Variants in PRKG1 observed in about 807,000 individuals in gnomAD.
PRKG1 encodes the protein protein kinase cGMP-dependent 1.
Under a neutral mutation model 88.1 loss-of-function variants are expected in PRKG1, and 35 were observed. That is an observed-to-expected ratio of 0.40 (90% CI 0.30 to 0.53). The LOEUF (loss-of-function observed/expected upper bound fraction) is 0.53, where lower values mean the gene tolerates loss of function less well. PRKG1 is among the 20% of genes least tolerant of loss of function. The pLI is 0.59. For missense variants in PRKG1, 540 were observed against 839.8 expected (o/e 0.64, Z 4.41); for synonymous variants, 303 against 292.5 (o/e 1.04, Z -0.37).
In PRKG1 at chr10:51,253,448, C is replaced by T. The variant is rs552597194; in HGVS notation, c.478+100118C>T. On this transcript the variant is annotated intron_variant, in intron 2 of 17. Transcript: ENST00000373980. Reference sequence around the variant, plus strand: ...AATTTGGGGAAAAGAACTCATCTTTCCCCCCAATAGACATCCCCTTCTACC... The same window carrying T: ...AATTTGGGGAAAAGAACTCATCTTTTCCCCCAATAGACATCCCCTTCTACC... Among the ~76,000 whole-genome samples the T allele has an allele frequency of 3.3e-5, 5 of 151,902 alleles. No individual in the cohort carries two copies. The South Asian group carries it at 6.2e-4, about 19-fold the overall frequency.
intron 3 of PRKG1, among the ~76,000 whole-genome samples, chr10:51,725,481 A>G (rs538964028): frequency 6.6e-6 from 1 of 152,172 alleles, no homozygotes; most frequent in East Asian, 1.9e-4. Context: ...GTTTCCACCA[A>G]ATTTGTGGCC....
intron 5 of PRKG1, among the ~76,000 whole-genome samples, chr10:52,014,734 G>T (rs1443236419): frequency 6.6e-6 from 1 of 152,228 alleles, no homozygotes; most frequent in Non-Finnish European, 1.5e-5. Context: ...TATAATGGGG[G>T]TACAGGCATT....
chr10:51,211,856 A>G lies in PRKG1; in HGVS notation c.478+58526A>G, dbSNP rs1228064982. ...GGAAGAACATTTCATGCTCATGGATAGGAAGAATCAATATCGTGAAAATGG... is the reference window on the plus strand; with the variant it reads ...GGAAGAACATTTCATGCTCATGGATGGGAAGAATCAATATCGTGAAAATGG... On this transcript the variant is annotated intron_variant, in intron 2 of 17. Transcript: ENST00000373980. Among the ~76,000 whole-genome samples, 5 of 152,254 alleles carry G rather than the reference A, an allele frequency of 3.3e-5. 1 individual carries two copies. Among genetic ancestry groups the G allele is most frequent in the Non-Finnish European group, 1.5e-5 (1 of 68,046 alleles).
chr10:51,419,061 A>G (rs371393528), intron 2 of PRKG1, among the ~76,000 whole-genome samples: 3 of 152,180 alleles, frequency 2.0e-5, no homozygotes, highest in South Asian at 4.1e-4. Context: ...ATACTAGCTT[A>G]GTTATAAAAA....
chr10:51,273,240 G>A (rs1840026647), intron 2 of PRKG1, among the ~76,000 whole-genome samples: 1 of 151,700 alleles, frequency 6.6e-6, no homozygotes, highest in Non-Finnish European at 1.5e-5. Context: ...GCTAGGCATC[G>A]TGGCTCATAC....
chr10:52,285,405 T>C (rs1842096044), intron 14 of PRKG1, among the ~76,000 whole-genome samples: 1 of 152,072 alleles, frequency 6.6e-6, no homozygotes, highest in South Asian at 2.1e-4. Context: ...AGTCCTTATT[T>C]CCACTGGTAG....
At chr10:51,902,183 C>A (rs762529327) in intron 4 of PRKG1, among the ~76,000 whole-genome samples, 9 of 152,018 alleles carry the variant, frequency 5.9e-5, no homozygotes, top group Non-Finnish European at 8.8e-5. Flanking sequence ...GTGGTGTGAT[C>A]TCAGCTCACC....
chr10:51,245,799 G>T (rs531283592), intron 2 of PRKG1: 3 of 152,056 alleles, frequency 2.0e-5, no homozygotes, highest in Admixed American at 6.6e-5. Context: ...ATTTGAGAAG[G>T]CTTCATGGGA....
chr10:51,629,404 T>G (rs1306281710), intron 3 of PRKG1, among the ~76,000 whole-genome samples: 1 of 151,902 alleles, frequency 6.6e-6, no homozygotes, highest in Non-Finnish European at 1.5e-5. Context: ...CACCATAATG[T>G]AGAATCACTG....
rs77473586 is a variant in PRKG1 at position 51,900,494 on chromosome 10, G to T, written c.699-7013G>T. On this transcript the variant is annotated intron_variant, in intron 4 of 17. Coordinates refer to ENST00000373980, the MANE Select transcript of PRKG1 (RefSeq NM_006258.4). ...TTATAACATTATGCTTTGGTCATTTGGAAATCATTGGCTCACTGAGTTATG... is the reference window on the plus strand; with the variant it reads ...TTATAACATTATGCTTTGGTCATTTTGAAATCATTGGCTCACTGAGTTATG... Among the ~76,000 whole-genome samples the T allele has an allele frequency of 5.3e-3, 808 of 152,078 alleles. 7 individuals are homozygous for T. The highest frequency in any genetic ancestry group is 0.019 in the African/African-American group (770 of 41,472).
At chr10:51,258,807 G>A (rs1839630153) in intron 2 of PRKG1, among the ~76,000 whole-genome samples, 1 of 152,236 alleles carries the variant, frequency 6.6e-6, no homozygotes, top group South Asian at 2.1e-4. Flanking sequence ...GCAAATGCCA[G>A]CTATCAGTGC....
chr10:51,441,627 G>A (rs1839109370), intron 2 of PRKG1, among the ~76,000 whole-genome samples: 1 of 151,930 alleles, frequency 6.6e-6, no homozygotes, highest in African/African-American at 2.4e-5. Context: ...TGAGAACGGA[G>A]ACCTGAGTTT....
At chr10:52,265,175 T>C (rs1841540406) in intron 10 of PRKG1, among the ~76,000 whole-genome samples, 1 of 152,106 alleles carries the variant, frequency 6.6e-6, no homozygotes, top group Admixed American at 6.6e-5. Context: ...TTATATGACT[T>C]ATTAGTGAAA....
chr10:51,052,805 G>A (rs932558012), intron 1 of PRKG1, among the ~76,000 whole-genome samples: 1 of 152,162 alleles, frequency 6.6e-6, no homozygotes, highest in Admixed American at 6.5e-5. Context: ...GTAGTTTTTA[G>A]CATTTTGCCT....
At chr10:51,965,328 T>C (rs1420851089) in intron 5 of PRKG1, among the ~76,000 whole-genome samples, 3 of 152,160 alleles carry the variant, frequency 2.0e-5, no homozygotes, top group East Asian at 3.9e-4. Context: ...AGTGAAAACA[T>C]GCAGTATTGG....
At chr10:51,135,451 A>T (rs1564613674) in intron 1 of PRKG1, among the ~76,000 whole-genome samples, 1 of 152,212 alleles carries the variant, frequency 6.6e-6, no homozygotes, top group Non-Finnish European at 1.5e-5. Context: ...GGACTTATTC[A>T]GGGGCACTCA....
intron 3 of PRKG1, among the ~76,000 whole-genome samples, chr10:51,498,505 G>A (rs1485890583): frequency 6.6e-6 from 1 of 152,134 alleles, no homozygotes; most frequent in Non-Finnish European, 1.5e-5. Context: ...GTGAAACTAT[G>A]GGAGGTAATT....
chr10:52,063,195 G>A (rs180689726), intron 7 of PRKG1, among the ~76,000 whole-genome samples: 106 of 152,336 alleles, frequency 7.0e-4, no homozygotes, highest in African/African-American at 2.4e-3. Flanking sequence ...CAAGTCAGGC[G>A]TGAAGTGGCA....
At chr10:51,225,153 CTG>C (rs1838657100) in intron 2 of PRKG1, among the ~76,000 whole-genome samples, 1 of 152,160 alleles carries the variant, frequency 6.6e-6, no homozygotes, top group African/African-American at 2.4e-5. Context: ...GATTCTGTGT[CTG>C]GAGGCGCTGG....
Sources: allele counts gnomAD v4.1 joint callset (sites outside exome capture counted in the v4.1 genomes callset), GRCh38; gene constraint gnomAD v4.1.1; transcripts MANE v1.5; gene names NCBI Gene and HGNC (gene_info 2026-07-23, HGNC 2026-07-21).